The following IQCH variants were observed in gnomAD, a reference collection of about 807,000 sequenced individuals.
The protein encoded by IQCH is IQ domain-containing protein H.
A neutral mutation model predicts 117.0 loss-of-function variants in IQCH; 98 were observed. The ratio of observed to expected loss-of-function variants is 0.84; its 90% CI spans 0.71 to 0.99. The LOEUF (loss-of-function observed/expected upper bound fraction) is 0.99. Ranked by LOEUF, IQCH falls within the 50% of genes least tolerant of loss-of-function variation. The pLI is 0.00. For synonymous variants in IQCH, 412 were observed against 448.2 expected, an observed-to-expected ratio of 0.92 and a Z score of 1.02; for missense variants, 1,102 against 1,243.8, an observed-to-expected ratio of 0.89 and a Z score of 1.72.
intron 4 of IQCH, among the ~76,000 whole-genome samples, chr15:67,281,135 C>T (rs1966339485): frequency 6.6e-6 from 1 of 152,118 alleles, no homozygotes; most frequent in Non-Finnish European, 1.5e-5. Flanking sequence ...TGAGCCACCG[C>T]GCGTGGCCAG....
In IQCH at chr15:67,299,511, A is replaced by C. The variant is rs190879092; in HGVS notation, c.387+19999A>C. On this transcript the variant is annotated intron_variant, in intron 4 of 20. Coordinates refer to ENST00000335894, the MANE Select transcript of IQCH (RefSeq NM_001031715.3). Reference sequence around the variant, plus strand: ...ATCCCATTTCCCCTGATGTGATGTAATTATTACTCATTATATGCTTGTATG... The same window carrying C: ...ATCCCATTTCCCCTGATGTGATGTACTTATTACTCATTATATGCTTGTATG... Among the ~76,000 whole-genome samples the C allele has an allele frequency of 2.6e-5, 4 of 152,246 alleles. No homozygotes were observed. In the East Asian group the frequency reaches 5.8e-4, roughly 22 times the overall value.
At chr15:67,499,297 CA>C (rs59618730) in intron 20 of IQCH, among the ~76,000 whole-genome samples, 6,979 of 48,400 alleles carry the variant, frequency 0.14, 57 homozygotes, top group South Asian at 0.19. Flanking sequence ...AGACCTGTCC[CA>C]AAAAAAAAAA....
rs560893470 is a variant in IQCH, at chr15:67,463,064, C to T, written c.2506-2063C>T. On this transcript the variant is annotated intron_variant, in intron 16 of 20. Transcript: ENST00000335894. This position sits in a 1 kb window ranked among gnomAD's most constrained non-coding sequence, Gnocchi z 4.0. ...CCTTGACAGCTTGACCTCTTAATAT[C>T]CTTATAATGACGCCATTTACATTCA... is the stretch of plus-strand genomic sequence containing the variant. Among the ~76,000 whole-genome samples the T allele has an allele frequency of 4.6e-5, 7 of 152,156 alleles. No individual in the cohort carries two copies. The highest frequency in any genetic ancestry group is 1.7e-4 in the African/African-American group (7 of 41,450).
Position 67,447,603 on chromosome 15 carries a change from C to A in IQCH, c.2506-17524C>A, listed in dbSNP as rs2082419167. On this transcript the variant is annotated intron_variant, in intron 16 of 20. Transcript: ENST00000335894. The surrounding 1 kb of genome is among the most constrained non-coding windows in gnomAD (Gnocchi z 5.3). The stretch of plus-strand genomic sequence containing the variant: ...GGAGGGCATAGAGCTTGCAGGGAGC[C>A]CCACACCACAGAAGGAGGCTAGAGT... 6.6e-6 allele frequency among the ~76,000 whole-genome samples: 1 copy of A among 152,088 alleles called. No individual in the cohort carries two copies. The highest frequency in any genetic ancestry group is 1.5e-5 in the Non-Finnish European group (1 of 68,012).
rs1398079219 is a variant in IQCH at position 67,481,174 on chromosome 15, TATGGC to T, written c.2799+5359_2799+5363del. ...CTCAGAGTATGAATCCAACAAAGAT[TATGGC>T]ATCCAGTACTGTATTAGTCTGTTCT... is the stretch of plus-strand genomic sequence containing the variant. On this transcript the variant is annotated intron_variant, in intron 18 of 20. Coordinates refer to ENST00000335894, the MANE Select transcript of IQCH (RefSeq NM_001031715.3). The surrounding 1 kb of genome is among the most constrained non-coding windows in gnomAD (Gnocchi z 4.1). Among the ~76,000 whole-genome samples, 1 of 152,158 alleles carries T rather than the reference TATGGC, an allele frequency of 6.6e-6. No individual in the cohort carries two copies. Among genetic ancestry groups the T allele is most frequent in the Non-Finnish European group, 1.5e-5 (1 of 68,020 alleles).
chr15:67,323,031 G>T (rs1201907601), intron 4 of IQCH, among the ~76,000 whole-genome samples: 2 of 152,068 alleles, frequency 1.3e-5, no homozygotes, highest in Non-Finnish European at 2.9e-5. Context: ...TGGGAAGAAA[G>T]GTTCTCAATC....
intron 4 of IQCH, among the ~76,000 whole-genome samples, chr15:67,284,469 T>C (rs996403396): frequency 9.2e-5 from 14 of 152,202 alleles, no homozygotes; most frequent in Non-Finnish European, 1.8e-4. Context: ...TTGTTTGTTT[T>C]AAACTTTTAA....
chr15:67,417,015 A>C lies in IQCH; in HGVS notation c.2182A>C (p.Thr728Pro). ...GCCAGTCAATGAGAAACGGTTCCCG[A>C]CGTGGAGGAAATTCCTCCAAACATT... ...AQPVNEKRFP[T>P]WRKFLQTFLS... Residue 728 changes from threonine to proline, a missense_variant, in exon 15 of 21, where the codon ACG becomes CCG. Coordinates refer to ENST00000335894, the MANE Select transcript of IQCH (RefSeq NM_001031715.3). This position sits in a 1 kb window ranked among gnomAD's most constrained non-coding sequence, Gnocchi z 4.3. 3 of 1,610,742 alleles carry C rather than the reference A, an allele frequency of 1.9e-6. No homozygotes were observed. The highest frequency in any genetic ancestry group is 2.5e-6 in the Non-Finnish European group (3 of 1,178,516).
intron 1 of IQCH, 105 bp downstream of exon 1, chr15:67,255,052 C>G (rs1778150773): frequency 9.0e-7 from 1 of 1,115,332 alleles, no homozygotes; most frequent in East Asian, 2.6e-5. Context: ...TGCGCCGCCC[C>G]TAGACTCCCT....
At chr15:67,308,964 CTG>C (rs1232602755) in intron 4 of IQCH, among the ~76,000 whole-genome samples, 1 of 152,048 alleles carries the variant, frequency 6.6e-6, no homozygotes, top group Non-Finnish European at 1.5e-5. Flanking sequence ...TGCCATGATC[CTG>C]TATGCATTCC....
intron 4 of IQCH, chr15:67,304,436 T>G (rs1967202280): frequency 6.6e-7 from 1 of 1,518,854 alleles, no homozygotes; most frequent in South Asian, 1.2e-5. Flanking sequence ...TTGCCATATA[T>G]TAATCAGAGA....
Position 67,406,932 on chromosome 15 carries a change from C to T in IQCH, c.2097+6627C>T, listed in dbSNP as rs1447285647. On this transcript the variant is annotated intron_variant, in intron 14 of 20. Transcript: ENST00000335894. This position sits in a 1 kb window ranked among gnomAD's most constrained non-coding sequence, Gnocchi z 4.5. ...CCTATTATTATTGTTGTTATTATTA[C>T]CATAAAATTGTATTATAACAAAATA... is the stretch of plus-strand genomic sequence containing the variant. The T allele has an allele frequency of 3.9e-5, 6 of 152,132 alleles. No individual in the cohort carries two copies. In the East Asian group the frequency reaches 5.8e-4, roughly 15 times the overall value. The allele number at this position is 152,132 out of a possible 1,614,324, so 9.4% of individuals were successfully genotyped here.
intron 4 of IQCH, among the ~76,000 whole-genome samples, chr15:67,316,711 G>A (rs996051432): frequency 2.6e-5 from 4 of 152,044 alleles, no homozygotes; most frequent in African/African-American, 9.7e-5. Context: ...TTACATTTGG[G>A]GAAACTGAGG....
chr15:67,299,096 A>G (rs1652302743), intron 4 of IQCH, among the ~76,000 whole-genome samples: 1 of 151,524 alleles, frequency 6.6e-6, no homozygotes, highest in Non-Finnish European at 1.5e-5. Context: ...AAAAAAAACA[A>G]TGAGATCCTG....
At chr15:67,329,391 A>G (rs1029287442) in intron 4 of IQCH, among the ~76,000 whole-genome samples, 6 of 152,194 alleles carry the variant, frequency 3.9e-5, no homozygotes, top group East Asian at 1.9e-4. Flanking sequence ...GTGCATCTCC[A>G]TATATTAATT....
chr15:67,289,959 A>T (rs534834801), intron 4 of IQCH, among the ~76,000 whole-genome samples: 2 of 152,232 alleles, frequency 1.3e-5, no homozygotes, highest in South Asian at 2.1e-4. Context: ...CTTCCAAATC[A>T]CTTTTGGCCA....
At chr15:67,258,564 T>C (rs1324416426) in intron 1 of IQCH, among the ~76,000 whole-genome samples, 2 of 150,788 alleles carry the variant, frequency 1.3e-5, no homozygotes, top group Admixed American at 6.6e-5. Flanking sequence ...TTAAAGATAA[T>C]TGAGGTGATG....
At chr15:67,346,004 T>C (rs1969370957) in intron 6 of IQCH, among the ~76,000 whole-genome samples, 1 of 152,010 alleles carries the variant, frequency 6.6e-6, no homozygotes, top group Admixed American at 6.6e-5. Flanking sequence ...AATTCAAAAA[T>C]AAATTATAGG....
chr15:67,295,793 C>T (rs1007769686), intron 4 of IQCH, among the ~76,000 whole-genome samples: 1 of 151,940 alleles, frequency 6.6e-6, no homozygotes, highest in African/African-American at 2.4e-5. Context: ...TGGAAGTGTC[C>T]CTTTCCTATT....
Sources: gnomAD v4.1 joint callset for allele counts (sites outside exome capture counted in the v4.1 genomes callset) on GRCh38, gnomAD v4.1.1 for gene constraint, Gnocchi (gnomAD v3.1) non-coding constraint, MANE v1.5 for transcripts, NCBI Gene and HGNC (gene_info 2026-07-23, HGNC 2026-07-21) for gene names.